Variants in NKAIN3 observed in about 807,000 individuals in gnomAD.
NKAIN3 encodes the protein sodium/potassium-transporting ATPase subunit beta-1-interacting protein 3.
A neutral mutation model predicts 30.2 loss-of-function variants in NKAIN3; 25 were observed. The observed-to-expected ratio is 0.83, with a 90% CI of 0.60 to 1.16. NKAIN3 has a LOEUF of 1.16. Ranked by LOEUF, NKAIN3 falls within the 50% of genes most tolerant of loss-of-function variation. The pLI is 0.00. For synonymous variants in NKAIN3, 91 were observed against 89.6 expected, an observed-to-expected ratio of 1.02 and a Z score of -0.09; for missense variants, 225 against 254.1, an observed-to-expected ratio of 0.89 and a Z score of 0.78.
At chr8:62,445,188 C>T (rs764870014) in intron 1 of NKAIN3, among the ~76,000 whole-genome samples, 5 of 152,212 alleles carry the variant, frequency 3.3e-5, no homozygotes, top group Admixed American at 6.5e-5. Context: ...TTGTGATCCG[C>T]GCACCTCAGC....
At chr8:62,788,628 G>A (rs1817601314) in intron 4 of NKAIN3, among the ~76,000 whole-genome samples, 1 of 152,082 alleles carries the variant, frequency 6.6e-6, no homozygotes, top group African/African-American at 2.4e-5. Context: ...GTCCTGAATG[G>A]TATTGACTAG....
At chr8:62,531,758 G>A (rs1808497764) in intron 1 of NKAIN3, among the ~76,000 whole-genome samples, 1 of 152,136 alleles carries the variant, frequency 6.6e-6, no homozygotes. Flanking sequence ...GTAACTAACT[G>A]GGCACTCACT....
intron 1 of NKAIN3, among the ~76,000 whole-genome samples, chr8:62,571,226 C>A (rs977151253): frequency 2.6e-5 from 4 of 151,804 alleles, no homozygotes; most frequent in Non-Finnish European, 4.4e-5. Flanking sequence ...ACCTCTGCCT[C>A]CCAGGTTTAA....
intron 3 of NKAIN3, among the ~76,000 whole-genome samples, chr8:62,663,743 C>A (rs571482557): frequency 1.1e-4 from 17 of 152,244 alleles, no homozygotes; most frequent in African/African-American, 3.9e-4. Flanking sequence ...GATAGGCTCA[C>A]AAAACAGCCC....
In NKAIN3 at chr8:62,302,869, C is replaced by A. The variant is rs148334318; in HGVS notation, c.54+53742C>A. ...ATTCACAGTTTGTTTTCTCATGCTC[C>A]CTGGGATTTCTTTACAGTGGTAACA... On this transcript the variant is annotated intron_variant, in intron 1 of 6. Transcript: ENST00000623646. Among the ~76,000 whole-genome samples the A allele has an allele frequency of 5.9e-4, 84 of 142,256 alleles. No homozygotes were observed. The Middle Eastern group carries it at 0.017, about 29-fold the overall frequency. 93.3% of individuals were successfully genotyped at this position (142,256 alleles called of 152,430 possible). A position where few individuals can be genotyped will look rare whatever the true frequency, so the allele number is the denominator to read the frequency against.
At chr8:62,460,947 G>A (rs926828776) in intron 1 of NKAIN3, among the ~76,000 whole-genome samples, 1 of 152,202 alleles carries the variant, frequency 6.6e-6, no homozygotes, top group Non-Finnish European at 1.5e-5. Flanking sequence ...GTCCGTAGGA[G>A]CTTAAAAGCT....
intron 1 of NKAIN3, among the ~76,000 whole-genome samples, chr8:62,559,758 A>G (rs1289689077): frequency 1.3e-5 from 2 of 152,204 alleles, no homozygotes; most frequent in South Asian, 4.1e-4. Flanking sequence ...TGGTACCACA[A>G]CAGATGGCAT....
At chr8:62,768,185 G>A (rs1019405851) in intron 4 of NKAIN3, among the ~76,000 whole-genome samples, 1 of 152,012 alleles carries the variant, frequency 6.6e-6, no homozygotes, top group African/African-American at 2.4e-5. Flanking sequence ...CATCACTTTG[G>A]AACTTCCATC....
chr8:62,814,734 G>A (rs1326781116), intron 4 of NKAIN3, among the ~76,000 whole-genome samples: 2 of 152,012 alleles, frequency 1.3e-5, no homozygotes, highest in African/African-American at 2.4e-5. Flanking sequence ...TCAAAGCAGT[G>A]TGTAGAGGGA....
chr8:62,506,541 C>A (rs950625089), intron 1 of NKAIN3, among the ~76,000 whole-genome samples: 1 of 133,684 alleles, frequency 7.5e-6, no homozygotes, highest in Non-Finnish European at 1.5e-5. Context: ...GTGGTGTGAT[C>A]TCAGCTCTCT....
At chr8:62,932,162 C>A (rs1455571) in intron 5 of NKAIN3, among the ~76,000 whole-genome samples, 5,979 of 152,128 alleles carry the variant, frequency 0.039, 358 homozygotes, top group African/African-American at 0.13. Context: ...TCCTAATAAA[C>A]AAAACAAGCA....
chr8:62,617,941 A>G (rs943462969), intron 3 of NKAIN3, among the ~76,000 whole-genome samples: 29 of 152,228 alleles, frequency 1.9e-4, no homozygotes, highest in African/African-American at 6.5e-4. Context: ...TACATAATAC[A>G]AAGTGATAGG....
chr8:62,938,489 G>A (rs1822854726), intron 5 of NKAIN3, among the ~76,000 whole-genome samples: 1 of 152,016 alleles, frequency 6.6e-6, no homozygotes, highest in African/African-American at 2.4e-5. Context: ...GTCTCACACA[G>A]AGTCCACTTC....
chr8:62,338,595 T>C (rs534713205), intron 1 of NKAIN3, among the ~76,000 whole-genome samples: 2 of 151,948 alleles, frequency 1.3e-5, no homozygotes, highest in East Asian at 3.9e-4. Flanking sequence ...TAGATATAGG[T>C]ATATATATAG....
chr8:62,499,075 G>A (rs1226444760), intron 1 of NKAIN3, among the ~76,000 whole-genome samples: 4 of 152,060 alleles, frequency 2.6e-5, no homozygotes, highest in African/African-American at 9.7e-5. Context: ...GAGTTTCCTT[G>A]TTGATACAGA....
At chr8:62,513,814 T>C (rs1033737850) in intron 1 of NKAIN3, among the ~76,000 whole-genome samples, 15 of 131,750 alleles carry the variant, frequency 1.1e-4, no homozygotes, top group African/African-American at 3.2e-4. Context: ...AAGGCTGCAG[T>C]TGCCACTGCA....
chr8:62,798,062 G>A (rs971487978), intron 4 of NKAIN3, among the ~76,000 whole-genome samples: 6 of 152,118 alleles, frequency 3.9e-5, no homozygotes, highest in African/African-American at 1.2e-4. Context: ...TGAAAACTGA[G>A]ACACATGAAG....
rs79980340 is a variant in NKAIN3, at chr8:62,768,377, A to G, written c.471+21248A>G. On this transcript the variant is annotated intron_variant, in intron 4 of 6. Transcript: ENST00000623646. ...ACAGGATACGCTATTTGCATTGACAACAGTTGCAGGTTTGGTAGCCATAAT... is the reference window on the plus strand; with the variant it reads ...ACAGGATACGCTATTTGCATTGACAGCAGTTGCAGGTTTGGTAGCCATAAT... 2.8e-3 allele frequency among the ~76,000 whole-genome samples: 426 copies of G among 152,314 alleles called. 1 individual carries two copies. Among genetic ancestry groups the G allele is most frequent in the African/African-American group, 9.8e-3 (409 of 41,580 alleles).
intron 4 of NKAIN3, chr8:62,855,446 T>G (rs961723734): frequency 3.3e-5 from 39 of 1,188,254 alleles, no homozygotes; most frequent in Non-Finnish European, 1.0e-5. Context: ...ATACTTCATC[T>G]TGGGTCTTTT....
Sources: allele counts gnomAD v4.1 joint callset (sites outside exome capture counted in the v4.1 genomes callset), GRCh38; gene constraint gnomAD v4.1.1; transcripts MANE v1.5; gene names NCBI Gene and HGNC (gene_info 2026-07-23, HGNC 2026-07-21).